Variants in SHANK2 observed in about 807,000 individuals in gnomAD.
SHANK2 encodes SH3 and multiple ankyrin repeat domains 2.
In SHANK2, 43 loss-of-function variants were observed where a neutral mutation model predicts 133.7. The observed-to-expected ratio is 0.32, with a 90% CI of 0.25 to 0.41. SHANK2 has a LOEUF of 0.41. SHANK2 is among the 10% of genes least tolerant of loss of function. SHANK2 has a pLI of 1.00. For synonymous variants in SHANK2, 1,017 were observed against 952.8 expected (o/e 1.07, Z -1.24); for missense variants, 1,994 against 2,235.8 (o/e 0.89, Z 2.18).
intron 2 of SHANK2, among the ~76,000 whole-genome samples, chr11:71,164,315 G>T (rs1555110409): frequency 2.0e-5 from 3 of 152,220 alleles, no homozygotes; most frequent in African/African-American, 7.2e-5. Flanking sequence ...TTGCATCTCA[G>T]CAGTGTCTGT....
At chr11:70,857,740 G>C (rs1319413463) in intron 11 of SHANK2, among the ~76,000 whole-genome samples, 2 of 152,188 alleles carry the variant, frequency 1.3e-5, no homozygotes, top group Non-Finnish European at 2.9e-5. Context: ...AACTCTCTAG[G>C]AAGAACTGAC....
chr11:70,767,810 G>C (rs117906695), intron 14 of SHANK2, among the ~76,000 whole-genome samples: 334 of 152,230 alleles, frequency 2.2e-3, no homozygotes, highest in Non-Finnish European at 3.3e-3. Flanking sequence ...AAATGCCACA[G>C]GATTTTGTAC....
rs558091850 is a variant in SHANK2 at position 70,806,529 on chromosome 11, C to T, written c.1663+473G>A. Among the ~76,000 whole-genome samples, 690 of 152,346 alleles carry T rather than the reference C, an allele frequency of 4.5e-3. 5 individuals are homozygous for T. The highest frequency in any genetic ancestry group is 0.016 in the African/African-American group (651 of 41,574). On this transcript the variant is annotated intron_variant, in intron 13 of 25. Coordinates refer to ENST00000601538, the MANE Select transcript of SHANK2 (RefSeq NM_012309.5). ...AATGGCCCCCCCAGAGGCTTCTCAA[C>T]GCTGGTTCTCAGGATTCTGCTTTGA...
At chr11:70,875,711 T>C (rs1329520241) in intron 11 of SHANK2, among the ~76,000 whole-genome samples, 2 of 151,768 alleles carry the variant, frequency 1.3e-5, no homozygotes, top group Admixed American at 6.6e-5. Context: ...AAAAATTAGC[T>C]GGGTGTGGTG....
chr11:71,101,288 C>T (rs566569832), intron 6 of SHANK2, among the ~76,000 whole-genome samples: 7 of 152,306 alleles, frequency 4.6e-5, no homozygotes, highest in African/African-American at 1.7e-4. Context: ...CTCCCTCTGC[C>T]GCATTTTCCT....
intron 9 of SHANK2, among the ~76,000 whole-genome samples, chr11:71,064,354 G>C (rs923012267): frequency 1.3e-5 from 2 of 152,184 alleles, no homozygotes; most frequent in Non-Finnish European, 2.9e-5. Context: ...ACAGCTGGGC[G>C]GAGGCAGAGG....
At position 70,876,243 on chromosome 11, in the gene SHANK2, G is replaced by GACACACACACACAC. The variant is rs3064243; in HGVS notation, c.1174+20244_1174+20257dup. 1.2e-3 allele frequency among the ~76,000 whole-genome samples: 165 copies of GACACACACACACAC among 134,924 alleles called. 5 individuals are homozygous for GACACACACACACAC. The highest frequency in any genetic ancestry group is 2.9e-3 in the Admixed American group (39 of 13,266). 88.5% of individuals were successfully genotyped at this position (134,924 alleles called of 152,430 possible). On this transcript the variant is annotated intron_variant, in intron 11 of 25. Coordinates refer to ENST00000601538, the MANE Select transcript of SHANK2 (RefSeq NM_012309.5). Reference sequence around the variant, plus strand: ...TACATAATACACACACACACATATAGACACACACACACACACACACACACA... The same window carrying GACACACACACACAC: ...TACATAATACACACACACACATATAGACACACACACACACACACACACACACACACACACACACA...
chr11:70,842,027 AC>A (rs1316662752), intron 11 of SHANK2, among the ~76,000 whole-genome samples: 15 of 152,120 alleles, frequency 9.9e-5, no homozygotes, highest in African/African-American at 3.4e-4. Context: ...CTCCTCCAGG[AC>A]AAGAGACCTT....
chr11:70,546,577 A>G (rs2059699320), intron 17 of SHANK2, among the ~76,000 whole-genome samples: 1 of 152,090 alleles, frequency 6.6e-6, no homozygotes, highest in Non-Finnish European at 1.5e-5. Flanking sequence ...TTTCCTCAAG[A>G]TCGAGACCCT....
intron 2 of SHANK2, among the ~76,000 whole-genome samples, chr11:71,199,057 G>T (rs1207946960): frequency 6.6e-6 from 1 of 152,218 alleles, no homozygotes; most frequent in African/African-American, 2.4e-5. Flanking sequence ...CACAGGTGAG[G>T]CACTCCAGGC....
chr11:71,242,991 G>A (rs1463387705), intron 1 of SHANK2, among the ~76,000 whole-genome samples: 1 of 152,206 alleles, frequency 6.6e-6, no homozygotes, highest in Admixed American at 6.5e-5. Flanking sequence ...AAACCACGGG[G>A]AAATTGGAAA....
intron 14 of SHANK2, among the ~76,000 whole-genome samples, chr11:70,782,260 TTGGCCAGGC>T (rs1555045336): frequency 5.3e-5 from 8 of 152,254 alleles, no homozygotes; most frequent in African/African-American, 1.9e-4. Flanking sequence ...TTTTGCCATG[TTGGCCAGGC>T]TGGTCTTAAA....
At chr11:71,118,623 G>A (rs782603751) in intron 4 of SHANK2, among the ~76,000 whole-genome samples, 5 of 152,170 alleles carry the variant, frequency 3.3e-5, no homozygotes, top group Non-Finnish European at 5.9e-5. Context: ...CTCAACATGT[G>A]GGGATTACAA....
chr11:71,225,878 CT>C (rs1555122135), intron 1 of SHANK2, among the ~76,000 whole-genome samples: 1 of 152,206 alleles, frequency 6.6e-6, no homozygotes, highest in Admixed American at 6.5e-5. Context: ...AATCCCGGCA[CT>C]TTGGGAGGCC....
At chr11:71,099,606 G>C (rs1212382861) in intron 6 of SHANK2, among the ~76,000 whole-genome samples, 1 of 152,174 alleles carries the variant, frequency 6.6e-6, no homozygotes, top group Non-Finnish European at 1.5e-5. Flanking sequence ...AAATTATACA[G>C]AGAACCCTTA....
At chr11:71,160,979 T>C (rs1953003063) in intron 2 of SHANK2, among the ~76,000 whole-genome samples, 2 of 152,258 alleles carry the variant, frequency 1.3e-5, no homozygotes, top group East Asian at 1.9e-4. Context: ...CAGCCTTCTT[T>C]AAGAAGTTTA....
At chr11:70,888,709 C>T (rs562810282) in intron 11 of SHANK2, among the ~76,000 whole-genome samples, 9 of 151,970 alleles carry the variant, frequency 5.9e-5, no homozygotes, top group East Asian at 1.9e-4. Context: ...CCCAGCTACT[C>T]GGGAGGCTGA....
intron 11 of SHANK2, among the ~76,000 whole-genome samples, chr11:70,865,496 A>G (rs1555068837): frequency 6.6e-6 from 1 of 152,192 alleles, no homozygotes; most frequent in African/African-American, 2.4e-5. Flanking sequence ...GAGAAAGTGC[A>G]GAAGTCAGGT....
chr11:71,162,494 T>C (rs1199411453), intron 2 of SHANK2, among the ~76,000 whole-genome samples: 2 of 152,128 alleles, frequency 1.3e-5, no homozygotes, highest in Admixed American at 6.5e-5. Context: ...GTTCAAACCA[T>C]AGCAGCCACC....
Sources: allele counts gnomAD v4.1 joint callset (sites outside exome capture counted in the v4.1 genomes callset), GRCh38; gene constraint gnomAD v4.1.1; transcripts MANE v1.5; gene names NCBI Gene and HGNC (gene_info 2026-07-23, HGNC 2026-07-21).